SPATA2L: variants seen among roughly 807,000 people sequenced by gnomAD.
The protein encoded by SPATA2L is spermatogenesis associated 2 like.
Under a neutral mutation model 8.7 loss-of-function variants are expected in SPATA2L, and 5 were observed. The observed-to-expected ratio is 0.57, with a 90% CI of 0.30 to 1.21. The LOEUF is 1.21. Ranked by LOEUF, SPATA2L falls within the 50% of genes most tolerant of loss-of-function variation. SPATA2L has a pLI of 0.07. For missense variants in SPATA2L, 671 were observed against 591.0 expected (o/e 1.14, Z -1.40); for synonymous variants, 358 against 275.8 (o/e 1.30, Z -2.95).
chr16:89,700,345 A>G (rs1044960001), intron 2 of SPATA2L, among the ~76,000 whole-genome samples: 13 of 152,034 alleles, frequency 8.6e-5, no homozygotes, highest in Non-Finnish European at 1.9e-4. Context: ...GTGCCCAGTG[A>G]CGTCATCGGC....
Position 89,697,010 on chromosome 16 carries a change from A to C in SPATA2L, c.*324T>G, listed in dbSNP as rs1398795059. The C allele has an allele frequency of 2.1e-6, 3 of 1,422,036 alleles. No individual in the cohort carries two copies. The highest frequency in any genetic ancestry group is 2.8e-6 in the Non-Finnish European group (3 of 1,086,812). The allele number at this position is 1,422,036 out of a possible 1,614,324, so 88.1% of individuals were successfully genotyped here. A position where few individuals can be genotyped will look rare whatever the true frequency, so the allele number is the denominator to read the frequency against. ...GGCCAGGAGCCACGGGCCTTGGGGC[A>C]CAGGGTCCTTCTCAGGGACAGGTTC... On this transcript the variant is annotated 3_prime_UTR_variant, in exon 3 of 3. Coordinates refer to ENST00000289805, the MANE Select transcript of SPATA2L (RefSeq NM_152339.4).
At position 89,697,809 on chromosome 16, in the gene SPATA2L, C is replaced by G. The variant is rs1597889019; in HGVS notation, c.800G>C (p.Ser267Thr). The part of the protein sequence containing the change: ...LAYRPPLWEQ[S>T]AKLWGTGGRA... ...GCCCCCAGTGCCCCACAGTTTGGCA[C>G]TCTGCTCCCAGAGTGGTGGCCTGTA... Residue 267 changes from serine (S) to threonine (T), a missense_variant, in exon 3 of 3, where the codon AGT becomes ACT. Physicochemically the swap from Ser to Thr is moderately conservative, Grantham distance 58. Transcript: ENST00000289805. 1.9e-6 allele frequency: 3 copies of G among 1,602,858 alleles called. No individual in the cohort carries two copies. Among genetic ancestry groups the G allele is most frequent in the Non-Finnish European group, 2.6e-6 (3 of 1,175,946 alleles).
At chr16:89,700,346 C>T (rs780923421) in intron 2 of SPATA2L, among the ~76,000 whole-genome samples, 11 of 152,308 alleles carry the variant, frequency 7.2e-5, no homozygotes, top group South Asian at 2.1e-4. Context: ...TGCCCAGTGA[C>T]GTCATCGGCT....
At position 89,697,020 on chromosome 16, in the gene SPATA2L, T is replaced by C. The variant is rs1234110145; in HGVS notation, c.*314A>G. ...CACGGGCCTTGGGGCACAGGGTCCT[T>C]CTCAGGGACAGGTTCAGGCACTGGC... is the stretch of plus-strand genomic sequence containing the variant. On this transcript the variant is annotated 3_prime_UTR_variant, in exon 3 of 3. Coordinates refer to ENST00000289805, the MANE Select transcript of SPATA2L (RefSeq NM_152339.4). 6 of 1,418,236 alleles carry C rather than the reference T, an allele frequency of 4.2e-6. No individual in the cohort carries two copies. Among genetic ancestry groups the C allele is most frequent in the Non-Finnish European group, 4.6e-6 (5 of 1,085,668 alleles). 87.9% of individuals were successfully genotyped at this position (1,418,236 alleles called of 1,614,324 possible).
rs112466314 is a variant in SPATA2L, at chr16:89,697,175, G to C, written c.*159C>G. 2.2e-6 allele frequency: 3 copies of C among 1,378,034 alleles called. No homozygotes were observed. The highest frequency in any genetic ancestry group is 1.5e-5 in the African/African-American group (1 of 68,622). The allele number at this position is 1,378,034 out of a possible 1,614,324, so 85.4% of individuals were successfully genotyped here. ...CCTTGGAGCCTTCCATATACAGAGA[G>C]TCCCACCTCCAGCAAGGGTTGGCCT... On this transcript the variant is annotated 3_prime_UTR_variant, in exon 3 of 3. Coordinates refer to ENST00000289805, the MANE Select transcript of SPATA2L (RefSeq NM_152339.4).
intron 2 of SPATA2L, 87 bp downstream of exon 2, chr16:89,700,843 T>C (rs1424400758): frequency 1.3e-5 from 17 of 1,343,446 alleles, no homozygotes; most frequent in Non-Finnish European, 1.6e-5. Flanking sequence ...AGCCCCTCTC[T>C]CTCGAAAGGC....
Position 89,697,364 on chromosome 16 carries a change from C to G in SPATA2L, c.1245G>C (p.Leu415=). Residue 415 remains leucine, a synonymous_variant, in exon 3 of 3, where the codon CTG becomes CTC. Coordinates refer to ENST00000289805, the MANE Select transcript of SPATA2L (RefSeq NM_152339.4). ...GCCGGGCCCCGGGGCTGTTGTAGAG[C>G]AGAGTGTCCATCTGTGCACGCTGTA... The part of the protein sequence containing the change: ...LWLQRAQMDT[L]LYNSPGARP 1 of 1,550,174 alleles carries G rather than the reference C, an allele frequency of 6.5e-7. No homozygotes were observed. The highest frequency in any genetic ancestry group is 8.7e-7 in the Non-Finnish European group (1 of 1,146,770).
chr16:89,697,172 A>G lies in SPATA2L; in HGVS notation c.*162T>C. 1 of 1,378,252 alleles carries G rather than the reference A, an allele frequency of 7.3e-7. No individual in the cohort carries two copies. The highest frequency in any genetic ancestry group is 2.6e-5 in the East Asian group (1 of 38,188). 85.4% of individuals were successfully genotyped at this position (1,378,252 alleles called of 1,614,324 possible). On this transcript the variant is annotated 3_prime_UTR_variant, in exon 3 of 3. Transcript: ENST00000289805. ...TGCCCTTGGAGCCTTCCATATACAG[A>G]GAGTCCCACCTCCAGCAAGGGTTGG...
At chr16:89,700,048 C>G (rs373495928) in intron 2 of SPATA2L, among the ~76,000 whole-genome samples, 4 of 152,370 alleles carry the variant, frequency 2.6e-5, no homozygotes, top group African/African-American at 9.6e-5. Flanking sequence ...GCCCCATGAA[C>G]TGGACTGTTC....
rs2060736750 is a variant in SPATA2L at position 89,697,227 on chromosome 16, A to AG, written c.*106dup. 2.9e-6 allele frequency: 4 copies of AG among 1,402,560 alleles called. No homozygotes were observed. In the South Asian group the frequency reaches 7.1e-5, roughly 25 times the overall value. 86.9% of individuals were successfully genotyped at this position (1,402,560 alleles called of 1,614,324 possible). A position where few individuals can be genotyped will look rare whatever the true frequency, so the allele number is the denominator to read the frequency against. ...GACTCTCCAACCCCCTGCTGTGCCC[A>AG]GGACTCCCCCAGGGACAAGGCAACC... On this transcript the variant is annotated 3_prime_UTR_variant, in exon 3 of 3. Coordinates refer to ENST00000289805, the MANE Select transcript of SPATA2L (RefSeq NM_152339.4).
At chr16:89,699,243 A>C (rs1430848174) in intron 2 of SPATA2L, among the ~76,000 whole-genome samples, 2 of 152,134 alleles carry the variant, frequency 1.3e-5, no homozygotes, top group African/African-American at 4.8e-5. Context: ...TTTTGAATGT[A>C]CTTGCCCAGG....
intron 2 of SPATA2L, among the ~76,000 whole-genome samples, 192 bp downstream of exon 2, chr16:89,700,738 C>G (rs2060770418): frequency 6.6e-6 from 1 of 152,202 alleles, no homozygotes; most frequent in South Asian, 2.1e-4. Flanking sequence ...TCGCCCACCC[C>G]ATGTTCTCAG....
At position 89,697,766 on chromosome 16, in the gene SPATA2L, TG is replaced by T; in HGVS notation, c.842del (p.Pro281GlnfsTer36). 6.2e-7 allele frequency: 1 copy of T among 1,602,432 alleles called. No individual in the cohort carries two copies. Among genetic ancestry groups the T allele is most frequent in the Non-Finnish European group, 8.5e-7 (1 of 1,175,422 alleles). On this transcript the variant is annotated frameshift_variant, in exon 3 of 3. Coordinates refer to ENST00000289805, the MANE Select transcript of SPATA2L (RefSeq NM_152339.4). LOFTEE classifies it low-confidence loss of function (END_TRUNC). ...WGTGGRAWEPPAEELPQASSP... is the reference protein window; with the variant it reads ...WGTGGRAWEPXAEELPQASSP... The stretch of plus-strand genomic sequence containing the variant: ...TGCTGGCCTGCGGCAGCTCCTCAGC[TG>T]GGGGCTCCCAGGCCCGGCCCCCAGT...
chr16:89,698,929 A>G (rs2060756874), intron 2 of SPATA2L, among the ~76,000 whole-genome samples: 1 of 151,570 alleles, frequency 6.6e-6, no homozygotes, highest in Non-Finnish European at 1.5e-5. Context: ...CTGGGATTAC[A>G]GGTGCGCACC....
rs754513039 is a variant in SPATA2L, at chr16:89,697,661, C to G, written c.948G>C (p.Leu316=). ...AFSFLSLRRE[L]SRPGDLATPE... is the part of the protein sequence containing the mutation. ...GGGTGGCCAGGTCCCCAGGCCTACT[C>G]AGCTCACGGCGCAGAGAGAGGAAGG... The change falls in exon 3 of 3, where the codon CTG becomes CTC. Residue 316 remains leucine, a synonymous_variant. Transcript: ENST00000289805. 1 of 1,610,288 alleles carries G rather than the reference C, an allele frequency of 6.2e-7. No individual in the cohort carries two copies. The highest frequency in any genetic ancestry group is 1.7e-5 in the Admixed American group (1 of 60,004).
rs112466314 is a variant in SPATA2L, at chr16:89,697,175, G to A, written c.*159C>T. 1.5e-6 allele frequency: 2 copies of A among 1,378,034 alleles called. No homozygotes were observed. The highest frequency in any genetic ancestry group is 5.2e-5 in the East Asian group (2 of 38,144). 85.4% of individuals were successfully genotyped at this position (1,378,034 alleles called of 1,614,324 possible). A position where few individuals can be genotyped will look rare whatever the true frequency, so the allele number is the denominator to read the frequency against. ...CCTTGGAGCCTTCCATATACAGAGA[G>A]TCCCACCTCCAGCAAGGGTTGGCCT... is the stretch of plus-strand genomic sequence containing the variant. On this transcript the variant is annotated 3_prime_UTR_variant, in exon 3 of 3. Coordinates refer to ENST00000289805, the MANE Select transcript of SPATA2L (RefSeq NM_152339.4).
At position 89,696,681 on chromosome 16, in the gene SPATA2L, G is replaced by T. The variant is rs567084301; in HGVS notation, c.*653C>A. ...TCCGCCCAGCAGCAGTGACGCTCAG[G>T]GCCTTCCCAGCTGTCAGCCACTGCC... On this transcript the variant is annotated 3_prime_UTR_variant, in exon 3 of 3. Coordinates refer to ENST00000289805, the MANE Select transcript of SPATA2L (RefSeq NM_152339.4). 2.6e-4 allele frequency: 305 copies of T among 1,174,102 alleles called. 2 individuals carry two copies. The East Asian group carries it at 7.8e-3, about 30-fold the overall frequency. The allele number at this position is 1,174,102 out of a possible 1,614,324, so 72.7% of individuals were successfully genotyped here.
rs1336918563 is a variant in SPATA2L at position 89,696,985 on chromosome 16, G to A, written c.*349C>T. 3.5e-6 allele frequency: 5 copies of A among 1,439,484 alleles called. No homozygotes were observed. The highest frequency in any genetic ancestry group is 1.4e-5 in the African/African-American group (1 of 70,422). 89.2% of individuals were successfully genotyped at this position (1,439,484 alleles called of 1,614,324 possible). On this transcript the variant is annotated 3_prime_UTR_variant, in exon 3 of 3. Coordinates refer to ENST00000289805, the MANE Select transcript of SPATA2L (RefSeq NM_152339.4). ...CCCGTACTCCGTACTGCAGGGAGCA[G>A]GCCAGGAGCCACGGGCCTTGGGGCA...
Position 89,696,980 on chromosome 16 carries a change from G to A in SPATA2L, c.*354C>T, listed in dbSNP as rs188064177. Reference sequence around the variant, plus strand: ...TGAGCCCCGTACTCCGTACTGCAGGGAGCAGGCCAGGAGCCACGGGCCTTG... The same window carrying A: ...TGAGCCCCGTACTCCGTACTGCAGGAAGCAGGCCAGGAGCCACGGGCCTTG... On this transcript the variant is annotated 3_prime_UTR_variant, in exon 3 of 3. Transcript: ENST00000289805. The A allele has an allele frequency of 8.3e-6, 12 of 1,454,410 alleles. No individual in the cohort carries two copies. The highest frequency in any genetic ancestry group is 2.0e-4 in the Middle Eastern group (1 of 5,098). The allele number at this position is 1,454,410 out of a possible 1,614,324, so 90.1% of individuals were successfully genotyped here. A position where few individuals can be genotyped will look rare whatever the true frequency, so the allele number is the denominator to read the frequency against.
Sources: allele counts gnomAD v4.1 joint callset (sites outside exome capture counted in the v4.1 genomes callset), GRCh38; gene constraint gnomAD v4.1.1; transcripts MANE v1.5; gene names NCBI Gene and HGNC (gene_info 2026-07-23, HGNC 2026-07-21).